The following COL6A6 variants were observed in gnomAD, a reference collection of about 807,000 sequenced individuals.
COL6A6 encodes the protein collagen type VI alpha 6 chain, also known as collagen alpha-6(VI) chain.
Under a neutral mutation model 208.6 loss-of-function variants are expected in COL6A6, and 183 were observed. The ratio of observed to expected loss-of-function variants is 0.88; its 90% CI spans 0.78 to 0.99. The LOEUF is 0.99. COL6A6 is among the 50% of genes least tolerant of loss of function. COL6A6 has a pLI of 0.00. For synonymous variants in COL6A6, 973 were observed against 1,011.8 expected (o/e 0.96, Z 0.73); for missense variants, 2,816 against 2,815.2 (o/e 1.00, Z -0.01).
chr3:130,598,505 C>A, intron 19 of COL6A6, 75 bp downstream of exon 19: 3 of 1,001,584 alleles, frequency 3.0e-6, no homozygotes, highest in Admixed American at 2.3e-5. Flanking sequence ...ATGTGAAATG[C>A]TTAACAAAAA....
At chr3:130,533,253 T>TAAAAAAAAAAAAAAA (rs59750509) in intron 1 of COL6A6, among the ~76,000 whole-genome samples, 1 of 129,530 alleles carries the variant, frequency 7.7e-6, no homozygotes, top group Non-Finnish European at 1.6e-5. Flanking sequence ...TCCCAGGAAT[T>TAAAAAAAAAAAAAAA]AAAAAAAAAA....
intron 31 of COL6A6, among the ~76,000 whole-genome samples, chr3:130,644,039 A>G (rs1188901509): frequency 6.6e-6 from 1 of 152,232 alleles, no homozygotes; most frequent in Non-Finnish European, 1.5e-5. Context: ...AAATCCAAGT[A>G]TATTGAGACC....
chr3:130,563,647 A>C lies in COL6A6; in HGVS notation c.644A>C (p.Asp215Ala). Reference protein sequence around the residue: ...DVIKYKEGAVDDIFVEACQGP... With the variant: ...DVIKYKEGAVADIFVEACQGP... The stretch of plus-strand genomic sequence containing the variant: ...ATAAAGTACAAGGAGGGAGCAGTTG[A>C]TGACATCTTTGTAGAAGGTGGGCTT... Residue 215 changes from aspartate to alanine, a missense_variant, in exon 3 of 37, where the codon GAT (aspartate) becomes GCT (alanine). By Grantham distance (126) the Asp-to-Ala change is moderately radical. Coordinates refer to ENST00000358511, the MANE Select transcript of COL6A6 (RefSeq NM_001102608.3). 1 of 1,610,446 alleles carries C rather than the reference A, an allele frequency of 6.2e-7. No individual in the cohort carries two copies. The highest frequency in any genetic ancestry group is 8.5e-7 in the Non-Finnish European group (1 of 1,177,030).
chr3:130,594,524 G>A, intron 18 of COL6A6, 181 bp downstream of exon 18: 1 of 479,856 alleles, frequency 2.1e-6, no homozygotes, highest in South Asian at 4.6e-5. Context: ...ATGAGTATGA[G>A]CAGTAAAAAG....
intron 12 of COL6A6, 77 bp downstream of exon 12, chr3:130,589,259 G>T: frequency 1.0e-6 from 1 of 997,536 alleles, no homozygotes; most frequent in Non-Finnish European, 1.5e-6. Flanking sequence ...AGAAATAAGG[G>T]GTGATTTTTA....
intron 1 of COL6A6, among the ~76,000 whole-genome samples, chr3:130,527,365 G>T (rs1463132711): frequency 6.6e-6 from 1 of 152,184 alleles, no homozygotes; most frequent in Non-Finnish European, 1.5e-5. Flanking sequence ...TCTGATTTGT[G>T]TCCTGTTTTG....
chr3:130,613,513 T>C (rs1409475895), intron 23 of COL6A6, among the ~76,000 whole-genome samples: 1 of 152,228 alleles, frequency 6.6e-6, no homozygotes, highest in African/African-American at 2.4e-5. Context: ...TTTGGTTCTG[T>C]ATAATTTTAA....
chr3:130,673,230 CAAAA>C (rs2066275104), intron 36 of COL6A6, among the ~76,000 whole-genome samples: 1 of 105,488 alleles, frequency 9.5e-6, no homozygotes, highest in South Asian at 2.9e-4. Context: ...AAAAAAAAAA[CAAAA>C]CCCAAGTGCA....
At chr3:130,628,348 G>A (rs1004935528) in intron 26 of COL6A6, among the ~76,000 whole-genome samples, 20 of 152,032 alleles carry the variant, frequency 1.3e-4, no homozygotes, top group Non-Finnish European at 2.6e-4. Context: ...TTATAATTAT[G>A]TAAATAAATT....
At chr3:130,647,592 T>C (rs2065498250) in intron 32 of COL6A6, among the ~76,000 whole-genome samples, 1 of 152,234 alleles carries the variant, frequency 6.6e-6, no homozygotes, top group Admixed American at 6.5e-5. Flanking sequence ...TTCTCACTGG[T>C]ACTTCTTTTG....
intron 23 of COL6A6, among the ~76,000 whole-genome samples, chr3:130,617,339 T>A (rs16830212): frequency 6.6e-6 from 1 of 152,248 alleles, no homozygotes; most frequent in Non-Finnish European, 1.5e-5. Flanking sequence ...AAGAGAATTA[T>A]ACTCAATGTA....
chr3:130,597,250 A>G (rs1401599775), intron 18 of COL6A6, among the ~76,000 whole-genome samples: 7 of 152,218 alleles, frequency 4.6e-5, no homozygotes, highest in African/African-American at 1.7e-4. Flanking sequence ...ACAAATATTT[A>G]AACTTAAGGA....
In COL6A6 at chr3:130,665,140, G is replaced by T. The variant is rs1465303920; in HGVS notation, c.6596+44G>T. ...TACTTGATAAATGAGAATGCCCCCTGCCTTTCTTCTATTTTCCTCCTCCTC... is the reference window on the plus strand; with the variant it reads ...TACTTGATAAATGAGAATGCCCCCTTCCTTTCTTCTATTTTCCTCCTCCTC... On this transcript the variant is annotated intron_variant, in intron 36 of 36. Coordinates refer to ENST00000358511, the MANE Select transcript of COL6A6 (RefSeq NM_001102608.3). 3.8e-6 allele frequency: 5 copies of T among 1,326,298 alleles called. No homozygotes were observed. In the East Asian group the frequency reaches 1.0e-4, roughly 26 times the overall value. The allele number at this position is 1,326,298 out of a possible 1,614,324, so 82.2% of individuals were successfully genotyped here.
Position 130,574,117 on chromosome 3 carries a change from A to C in COL6A6, c.3139A>C (p.Thr1047Pro). ...VRIGAAQFSD[T>P]YHPEFPLGTF... ...AATAGGAGCGGCCCAGTTTAGCGAT[A>C]CCTATCACCCGGAGTTTCCACTGGG... Residue 1047 changes from threonine to proline, a missense_variant, in exon 8 of 37, where the codon ACC (threonine) becomes CCC (proline). Thr to Pro is a conservative substitution (Grantham distance 38). Coordinates refer to ENST00000358511, the MANE Select transcript of COL6A6 (RefSeq NM_001102608.3). The C allele has an allele frequency of 6.2e-7, 1 of 1,614,006 alleles. No individual in the cohort carries two copies.
chr3:130,577,991 G>A (rs540163434), intron 8 of COL6A6, among the ~76,000 whole-genome samples: 121 of 152,108 alleles, frequency 8.0e-4, no homozygotes, highest in Admixed American at 3.0e-3. Flanking sequence ...ATAAATATAC[G>A]TGGTATTTTC....
chr3:130,559,323 A>G (rs994292360), intron 1 of COL6A6, among the ~76,000 whole-genome samples: 1 of 152,324 alleles, frequency 6.6e-6, no homozygotes, highest in South Asian at 2.1e-4. Context: ...AAATTTATAT[A>G]CAGACTGAAA....
In COL6A6 at chr3:130,574,344, G is replaced by A. The variant is rs373642231; in HGVS notation, c.3366G>A (p.Ala1122=). ...CCCAAGACGAGGTGGCCCAGGCCGC[G>A]GAAGCCCTGAGACACAGAGGTATCG... The part of the protein sequence containing the change: ...GQSQDEVAQA[A]EALRHRGIDI... The change falls in exon 8 of 37, where the codon GCG becomes GCA. Residue 1122 remains alanine (A), a synonymous_variant. Coordinates refer to ENST00000358511, the MANE Select transcript of COL6A6 (RefSeq NM_001102608.3). 62 of 1,613,882 alleles carry A rather than the reference G, an allele frequency of 3.8e-5. No homozygotes were observed. Among genetic ancestry groups the A allele is most frequent in the Middle Eastern group, 3.3e-4 (2 of 6,084 alleles).
chr3:130,550,872 G>C (rs2062626916), intron 1 of COL6A6, among the ~76,000 whole-genome samples: 1 of 152,050 alleles, frequency 6.6e-6, no homozygotes. Flanking sequence ...TAACATGAAG[G>C]GATGTTGAAT....
At chr3:130,539,162 C>T (rs1264609982) in intron 1 of COL6A6, among the ~76,000 whole-genome samples, 1 of 152,176 alleles carries the variant, frequency 6.6e-6, no homozygotes, top group African/African-American at 2.4e-5. Flanking sequence ...GCTGAGGTTG[C>T]ATTGGCTGGC....
Sources: allele counts gnomAD v4.1 joint callset (sites outside exome capture counted in the v4.1 genomes callset), GRCh38; gene constraint gnomAD v4.1.1; transcripts MANE v1.5; gene names NCBI Gene and HGNC (gene_info 2026-07-23, HGNC 2026-07-21).